The following GRM1 variants were observed in gnomAD, a reference collection of about 807,000 sequenced individuals.
GRM1 encodes the protein glutamate metabotropic receptor 1.
Under a neutral mutation model 90.9 loss-of-function variants are expected in GRM1, and 33 were observed. The observed-to-expected ratio is 0.36, with a 90% CI of 0.28 to 0.49. GRM1 has a LOEUF of 0.49. Ranked by LOEUF, GRM1 falls within the 20% of genes least tolerant of loss-of-function variation. GRM1 has a pLI of 0.99. For synonymous variants in GRM1, 700 were observed against 613.2 expected (o/e 1.14, Z -2.09); for missense variants, 1,190 against 1,534.3 (o/e 0.78, Z 3.75).
intron 1 of GRM1, among the ~76,000 whole-genome samples, chr6:146,097,787 G>A (rs1776921260): frequency 6.6e-6 from 1 of 152,186 alleles, no homozygotes; most frequent in South Asian, 2.1e-4. Context: ...GCCAAATCTG[G>A]ATCATCTGTC....
intron 2 of GRM1, among the ~76,000 whole-genome samples, chr6:146,301,307 C>A (rs1333928864): frequency 6.6e-6 from 1 of 152,102 alleles, no homozygotes; most frequent in Non-Finnish European, 1.5e-5. Context: ...AATTCCAGAC[C>A]ACTAAACCAT....
chr6:146,359,095 A>G (rs369591473), intron 5 of GRM1, among the ~76,000 whole-genome samples: 56 of 152,154 alleles, frequency 3.7e-4, no homozygotes, highest in African/African-American at 1.4e-3. Flanking sequence ...GGAGACATGG[A>G]GACACTGCTA....
chr6:146,369,454 T>C (rs1032274570), intron 5 of GRM1, among the ~76,000 whole-genome samples: 7 of 152,142 alleles, frequency 4.6e-5, no homozygotes, highest in Admixed American at 4.6e-4. Context: ...TGTAGGTATT[T>C]ATTGCTGTAA....
At chr6:146,208,709 GA>G (rs1779577402) in intron 2 of GRM1, among the ~76,000 whole-genome samples, 1 of 151,980 alleles carries the variant, frequency 6.6e-6, no homozygotes, top group Non-Finnish European at 1.5e-5. Context: ...CACATAAACA[GA>G]CACACACAAA....
intron 2 of GRM1, among the ~76,000 whole-genome samples, chr6:146,204,679 G>A (rs1779433071): frequency 6.6e-6 from 1 of 152,176 alleles, no homozygotes; most frequent in South Asian, 2.1e-4. Context: ...TATAAGGTTT[G>A]CTAAATAAAA....
At chr6:146,123,912 G>A (rs1468135640) in intron 1 of GRM1, among the ~76,000 whole-genome samples, 1 of 152,114 alleles carries the variant, frequency 6.6e-6, no homozygotes, top group Non-Finnish European at 1.5e-5. Flanking sequence ...AGGCAAGATT[G>A]ATACATATGC....
chr6:146,055,093 A>G (rs914368275), intron 1 of GRM1, among the ~76,000 whole-genome samples: 13 of 152,144 alleles, frequency 8.5e-5, no homozygotes, highest in Admixed American at 8.5e-4. Flanking sequence ...CGGGCAATTA[A>G]TACAGCACCT....
intron 7 of GRM1, among the ~76,000 whole-genome samples, chr6:146,413,595 A>T (rs1777650529): frequency 6.6e-6 from 1 of 152,168 alleles, no homozygotes; most frequent in Admixed American, 6.5e-5. Flanking sequence ...TATATACAAT[A>T]ATATGCATTG....
intron 3 of GRM1, among the ~76,000 whole-genome samples, chr6:146,319,202 A>C (rs191437111): frequency 9.3e-5 from 14 of 151,304 alleles, no homozygotes; most frequent in Non-Finnish European, 1.9e-4. Context: ...CAGTTTTCCC[A>C]ACACAATTTA....
chr6:146,298,972 G>A (rs1783279710), intron 2 of GRM1, among the ~76,000 whole-genome samples: 2 of 152,128 alleles, frequency 1.3e-5, no homozygotes, highest in African/African-American at 4.8e-5. Flanking sequence ...ACGTAAACCT[G>A]CTTAGTCTAG....
chr6:146,332,467 G>A (rs1029358950), intron 3 of GRM1, among the ~76,000 whole-genome samples: 2 of 152,004 alleles, frequency 1.3e-5, no homozygotes, highest in South Asian at 2.1e-4. Flanking sequence ...ATCCCTTTTC[G>A]TGCTTTCCAC....
chr6:146,175,824 G>T (rs1257271473), intron 2 of GRM1, among the ~76,000 whole-genome samples: 1 of 152,036 alleles, frequency 6.6e-6, no homozygotes, highest in Non-Finnish European at 1.5e-5. Context: ...AGTTGATAGG[G>T]TATGGGTTAC....
intron 5 of GRM1, among the ~76,000 whole-genome samples, chr6:146,374,028 A>T (rs1402344647): frequency 6.6e-6 from 1 of 152,084 alleles, no homozygotes; most frequent in Non-Finnish European, 1.5e-5. Flanking sequence ...TGATGTTGAG[A>T]TATGTTCCTT....
At chr6:146,192,688 A>G (rs143064788) in intron 2 of GRM1, among the ~76,000 whole-genome samples, 19 of 152,202 alleles carry the variant, frequency 1.2e-4, no homozygotes, top group African/African-American at 2.4e-5. Context: ...GTTGTGACCA[A>G]TTAGTGGGTT....
chr6:146,285,643 G>A (rs1198336647), intron 2 of GRM1, among the ~76,000 whole-genome samples: 2 of 152,086 alleles, frequency 1.3e-5, no homozygotes, highest in African/African-American at 4.8e-5. Flanking sequence ...TAGTATTTCT[G>A]CATGGTGACC....
intron 7 of GRM1, among the ~76,000 whole-genome samples, chr6:146,412,197 G>T (rs1027742337): frequency 6.6e-6 from 1 of 152,156 alleles, no homozygotes; most frequent in Non-Finnish European, 1.5e-5. Context: ...AAAGTGGAAT[G>T]AATTCTGGCA....
chr6:146,390,052 G>A (rs1776660143), intron 6 of GRM1, among the ~76,000 whole-genome samples: 1 of 152,016 alleles, frequency 6.6e-6, no homozygotes, highest in Admixed American at 6.6e-5. Context: ...TTGCCTTTAA[G>A]TAGGTGTTTG....
intron 2 of GRM1, among the ~76,000 whole-genome samples, chr6:146,246,788 A>G (rs1407356260): frequency 6.6e-6 from 1 of 152,110 alleles, no homozygotes; most frequent in Non-Finnish European, 1.5e-5. Flanking sequence ...ATTAACAGAG[A>G]CTCTTTTGGT....
intron 2 of GRM1, among the ~76,000 whole-genome samples, chr6:146,164,185 T>C (rs1408682099): frequency 6.6e-6 from 1 of 152,180 alleles, no homozygotes; most frequent in African/African-American, 2.4e-5. Flanking sequence ...AGGCTATTAA[T>C]ATATGTTGTC....
Sources: gnomAD v4.1 joint callset for allele counts (sites outside exome capture counted in the v4.1 genomes callset) on GRCh38, gnomAD v4.1.1 for gene constraint, MANE v1.5 for transcripts, NCBI Gene and HGNC (gene_info 2026-07-23, HGNC 2026-07-21) for gene names.